The following VPS13A variants were observed in gnomAD, a reference collection of about 807,000 sequenced individuals.
The protein encoded by VPS13A is intermembrane lipid transfer protein VPS13A.
In VPS13A, 264 loss-of-function variants were observed where a neutral mutation model predicts 390.9. That is an observed-to-expected ratio of 0.68 (90% CI 0.61 to 0.75). The LOEUF (loss-of-function observed/expected upper bound fraction) is 0.75. Among genes scored for constraint, VPS13A ranks in the 30% least tolerant of loss-of-function variants. The probability of loss-of-function intolerance (pLI) is 0.00; values close to 1 mark genes in which losing one functional copy is unlikely to be tolerated. For missense variants in VPS13A, 3,409 were observed against 3,733.9 expected (o/e 0.91, Z 2.27); for synonymous variants, 1,231 against 1,227.1 (o/e 1.00, Z -0.07).
intron 31 of VPS13A, among the ~76,000 whole-genome samples, chr9:77,284,778 A>T (rs983334233): frequency 4.6e-5 from 7 of 151,852 alleles, no homozygotes; most frequent in Non-Finnish European, 8.8e-5. Flanking sequence ...GTCTTGGCTC[A>T]CTGAAACCTC....
intron 67 of VPS13A, among the ~76,000 whole-genome samples, chr9:77,374,419 C>CT (rs1832963740): frequency 6.6e-6 from 1 of 152,244 alleles, no homozygotes; most frequent in East Asian, 1.9e-4. Flanking sequence ...ACTGAGACAG[C>CT]TACTATGTCA....
At chr9:77,308,410 C>G (rs1828890862) in intron 35 of VPS13A, among the ~76,000 whole-genome samples, 1 of 152,106 alleles carries the variant, frequency 6.6e-6, no homozygotes, top group Non-Finnish European at 1.5e-5. Context: ...GTTTTCCTGA[C>G]TTCCCTGTAG....
rs529506995 is a variant in VPS13A at position 77,315,727 on chromosome 9, A to G, written c.4630+257A>G. ...GTAATTGTACTTCTCTTCAGGCAGT[A>G]ATTTGAAGGAATTTGTCTAGTGGAA... On this transcript the variant is annotated intron_variant, in intron 38 of 71. Coordinates refer to ENST00000360280, the MANE Select transcript of VPS13A (RefSeq NM_033305.3). Among the ~76,000 whole-genome samples, 12 of 152,274 alleles carry G rather than the reference A, an allele frequency of 7.9e-5. No homozygotes were observed. The East Asian group carries it at 2.1e-3, about 27-fold the overall frequency.
chr9:77,177,907 C>G, intron 1 of VPS13A, 103 bp downstream of exon 1: 2 of 1,056,384 alleles, frequency 1.9e-6, no homozygotes, highest in Admixed American at 2.1e-5. Flanking sequence ...ACCTTGCTCG[C>G]CGGGTGCAGC....
chr9:77,237,273 C>A (rs1037393387), intron 17 of VPS13A, among the ~76,000 whole-genome samples: 1 of 152,088 alleles, frequency 6.6e-6, no homozygotes, highest in Non-Finnish European at 1.5e-5. Context: ...CCAGTTCTTT[C>A]CCTGTTTGGT....
In VPS13A at chr9:77,199,982, T is replaced by C. The variant is rs376952243; in HGVS notation, c.138T>C (p.Asn46=). 4 of 1,608,606 alleles carry C rather than the reference T, an allele frequency of 2.5e-6. No individual in the cohort carries two copies. The African/African-American group carries it at 5.3e-5, about 22-fold the overall frequency. Residue 46 remains asparagine, a synonymous_variant, in exon 2 of 72, where the codon AAT becomes AAC. Transcript: ENST00000360280. ...VALKNLQIKE[N]ALSQLDVPFK... ...TCAAGAATCTTCAAATTAAAGAAAATGCCCTGGTAGGTTTTGACTATGAAA... is the reference window on the plus strand; with the variant it reads ...TCAAGAATCTTCAAATTAAAGAAAACGCCCTGGTAGGTTTTGACTATGAAA...
intron 20 of VPS13A, among the ~76,000 whole-genome samples, chr9:77,248,255 G>T (rs1179857589): frequency 6.6e-6 from 1 of 150,576 alleles, no homozygotes; most frequent in African/African-American, 2.4e-5. Context: ...TGGCTCTGTG[G>T]CCCAGGCTGG....
intron 52 of VPS13A, 59 bp downstream of exon 52, chr9:77,345,201 G>A: frequency 2.6e-6 from 4 of 1,551,766 alleles, no homozygotes; most frequent in South Asian, 1.1e-5. Context: ...ATGAGGCACA[G>A]TTTTTTTTGA....
chr9:77,388,523 A>G (rs1833781918), intron 68 of VPS13A, among the ~76,000 whole-genome samples: 2 of 151,384 alleles, frequency 1.3e-5, no homozygotes, highest in African/African-American at 4.8e-5. Flanking sequence ...ACCTCCAAAT[A>G]TCAATTTTAA....
At chr9:77,230,145 A>C (rs964569915) in intron 17 of VPS13A, among the ~76,000 whole-genome samples, 3 of 151,930 alleles carry the variant, frequency 2.0e-5, no homozygotes, top group Non-Finnish European at 2.9e-5. Flanking sequence ...GATTTGCAAG[A>C]GTTCTTTATA....
At chr9:77,248,479 A>T (rs1824959596) in intron 20 of VPS13A, among the ~76,000 whole-genome samples, 1 of 151,848 alleles carries the variant, frequency 6.6e-6, no homozygotes, top group South Asian at 2.1e-4. Flanking sequence ...CGGCCTCCCA[A>T]AGTGCTGGGA....
intron 41 of VPS13A, among the ~76,000 whole-genome samples, chr9:77,319,354 G>A (rs772726221): frequency 1.8e-4 from 28 of 151,958 alleles, no homozygotes; most frequent in African/African-American, 2.4e-4. Context: ...GTAGAATCAA[G>A]GAAAGATGCT....
At chr9:77,356,234 C>T (rs1462444510) in intron 54 of VPS13A, among the ~76,000 whole-genome samples, 1 of 152,102 alleles carries the variant, frequency 6.6e-6, no homozygotes, top group African/African-American at 2.4e-5. Flanking sequence ...ATGTTTTCCT[C>T]CTCTTGTCTG....
In VPS13A at chr9:77,400,223, A is replaced by ATTTTTTTTTTTTTT. The variant is rs34605855; in HGVS notation, c.9190-3004_9190-2991dup. Among the ~76,000 whole-genome samples, 83 of 88,094 alleles carry ATTTTTTTTTTTTTT rather than the reference A, an allele frequency of 9.4e-4. 2 individuals carry two copies. Among genetic ancestry groups the ATTTTTTTTTTTTTT allele is most frequent in the African/African-American group, 3.5e-3 (68 of 19,596 alleles). 57.8% of individuals were successfully genotyped at this position (88,094 alleles called of 152,430 possible). Reference sequence around the variant, plus strand: ...ATATTTTCTCATGTTTATCAGTCAGATTTTTTTTTTTTTTTTTTTTTTGCT... The same window carrying ATTTTTTTTTTTTTT: ...ATATTTTCTCATGTTTATCAGTCAGATTTTTTTTTTTTTTTTTTTTTTTTTTTTTTTTTTTTGCT... On this transcript the variant is annotated intron_variant, in intron 68 of 71. Transcript: ENST00000360280.
chr9:77,295,485 T>C, intron 32 of VPS13A, 57 bp from the exon 33 acceptor site: 1 of 1,394,450 alleles, frequency 7.2e-7, no homozygotes, highest in Non-Finnish European at 9.5e-7. Context: ...TATCAATATA[T>C]ATTTAATAAG....
At chr9:77,400,241 T>G (rs1834317684) in intron 68 of VPS13A, among the ~76,000 whole-genome samples, 1 of 150,750 alleles carries the variant, frequency 6.6e-6, no homozygotes, top group Non-Finnish European at 1.5e-5. Flanking sequence ...TTTTTTTTTT[T>G]TTTTGCTGAA....
chr9:77,222,523 A>G (rs956019005), intron 13 of VPS13A, among the ~76,000 whole-genome samples: 3 of 152,188 alleles, frequency 2.0e-5, no homozygotes, highest in Non-Finnish European at 4.4e-5. Context: ...GGCATACTTC[A>G]CTTTATTGTG....
intron 33 of VPS13A, among the ~76,000 whole-genome samples, chr9:77,299,116 A>C (rs760920173): frequency 5.9e-5 from 9 of 152,098 alleles, no homozygotes; most frequent in Non-Finnish European, 1.2e-4. Context: ...CCATTGGTCT[A>C]TATATCCGTT....
intron 31 of VPS13A, among the ~76,000 whole-genome samples, chr9:77,284,267 T>C (rs1173202201): frequency 6.6e-6 from 1 of 152,104 alleles, no homozygotes; most frequent in Non-Finnish European, 1.5e-5. Flanking sequence ...TATCAGATAG[T>C]AGGATCAGGA....
Sources: allele counts gnomAD v4.1 joint callset (sites outside exome capture counted in the v4.1 genomes callset), GRCh38; gene constraint gnomAD v4.1.1; transcripts MANE v1.5; gene names NCBI Gene and HGNC (gene_info 2026-07-23, HGNC 2026-07-21).